The following ITPR2 variants were observed in gnomAD, a reference collection of about 807,000 sequenced individuals.
ITPR2 encodes the protein inositol 1,4,5-trisphosphate receptor type 2, also known as inositol 1,4,5-trisphosphate-gated calcium channel ITPR2.
A neutral mutation model predicts 317.1 loss-of-function variants in ITPR2; 207 were observed. That is an observed-to-expected ratio of 0.65 (90% CI 0.58 to 0.73). ITPR2 has a LOEUF of 0.73. Ranked by LOEUF, ITPR2 falls within the 30% of genes least tolerant of loss-of-function variation. ITPR2 has a pLI of 0.00. For synonymous variants in ITPR2, 1,156 were observed against 1,149.1 expected, an observed-to-expected ratio of 1.01 and a Z score of -0.12; for missense variants, 2,613 against 3,284.0, an observed-to-expected ratio of 0.80 and a Z score of 4.99.
At chr12:26,367,452 A>G (rs1421005752) in intron 55 of ITPR2, among the ~76,000 whole-genome samples, 3 of 140,360 alleles carry the variant, frequency 2.1e-5, no homozygotes, top group Non-Finnish European at 4.6e-5. Context: ...CTTAGCTTCT[A>G]TCATTTTCAC....
intron 2 of ITPR2, among the ~76,000 whole-genome samples, chr12:26,732,437 AC>A (rs1244191989): frequency 2.0e-5 from 3 of 152,202 alleles, no homozygotes; most frequent in Admixed American, 1.3e-4. Context: ...GAATGCCCTG[AC>A]AAGTGACTGC....
chr12:26,348,073 AT>A (rs1938363069), intron 55 of ITPR2, among the ~76,000 whole-genome samples: 1 of 152,172 alleles, frequency 6.6e-6, no homozygotes, highest in African/African-American at 2.4e-5. Flanking sequence ...TGCATTTTCC[AT>A]TCTAAAATTC....
chr12:26,461,911 G>C (rs560744427), intron 45 of ITPR2, among the ~76,000 whole-genome samples: 2 of 147,798 alleles, frequency 1.4e-5, no homozygotes, highest in Admixed American at 1.3e-4. Flanking sequence ...CTTTTTTTTT[G>C]GTCTGGCTAA....
chr12:26,488,271 G>A (rs1942717588), intron 39 of ITPR2, among the ~76,000 whole-genome samples: 1 of 152,106 alleles, frequency 6.6e-6, no homozygotes, highest in Non-Finnish European at 1.5e-5. Context: ...AGGAGAGATA[G>A]TATGAAGAAA....
chr12:26,657,095 G>A (rs534194579), intron 18 of ITPR2, among the ~76,000 whole-genome samples: 1 of 152,352 alleles, frequency 6.6e-6, no homozygotes, highest in South Asian at 2.1e-4. Context: ...GTCTTTGTCT[G>A]ATTCTTGCCA....
intron 13 of ITPR2, among the ~76,000 whole-genome samples, chr12:26,676,712 T>C (rs1035609616): frequency 6.6e-6 from 1 of 151,626 alleles, no homozygotes; most frequent in African/African-American, 2.4e-5. Flanking sequence ...CTAAAAAAAC[T>C]TTAGAAACTA....
intron 34 of ITPR2, among the ~76,000 whole-genome samples, chr12:26,565,762 T>C (rs1394513350): frequency 1.3e-5 from 2 of 148,252 alleles, no homozygotes; most frequent in African/African-American, 5.0e-5. Context: ...GTGATGCGAA[T>C]AGCCACTGCA....
chr12:26,686,358 C>T, intron 11 of ITPR2, 123 bp downstream of exon 11: 1 of 552,546 alleles, frequency 1.8e-6, no homozygotes, highest in Non-Finnish European at 2.9e-6. Flanking sequence ...ATGTTTTACA[C>T]ATTTTTCTTC....
chr12:26,814,252 A>C (rs1044986089), intron 1 of ITPR2, among the ~76,000 whole-genome samples: 1 of 152,188 alleles, frequency 6.6e-6, no homozygotes, highest in African/African-American at 2.4e-5. Flanking sequence ...CCAGGAGATT[A>C]TGCCAAGATT....
chr12:26,498,987 C>A (rs1591832973), intron 37 of ITPR2, among the ~76,000 whole-genome samples: 1 of 152,128 alleles, frequency 6.6e-6, no homozygotes, highest in African/African-American at 2.4e-5. Flanking sequence ...CAGACATGAA[C>A]CTGGCCCTGG....
intron 34 of ITPR2, among the ~76,000 whole-genome samples, chr12:26,562,549 A>G (rs1052201798): frequency 3.3e-5 from 5 of 152,354 alleles, no homozygotes; most frequent in African/African-American, 9.6e-5. Flanking sequence ...ATGTTGAAGC[A>G]TTTTTGCAAG....
intron 45 of ITPR2, among the ~76,000 whole-genome samples, chr12:26,453,405 A>C (rs1046974701): frequency 2.0e-5 from 3 of 152,256 alleles, no homozygotes; most frequent in African/African-American, 7.2e-5. Context: ...TAGTCAAAAG[A>C]GTTAAAACAT....
intron 22 of ITPR2, among the ~76,000 whole-genome samples, chr12:26,631,369 G>C (rs1271373972): frequency 6.6e-6 from 1 of 152,128 alleles, no homozygotes; most frequent in African/African-American, 2.4e-5. Context: ...GAGAGGGATT[G>C]TCACATATAA....
chr12:26,372,141 T>C (rs946883943), intron 55 of ITPR2, among the ~76,000 whole-genome samples: 1 of 152,214 alleles, frequency 6.6e-6, no homozygotes, highest in African/African-American at 2.4e-5. Flanking sequence ...CTCCTCATCT[T>C]AGCTCATCAA....
At chr12:26,797,992 G>A (rs1348660465) in intron 1 of ITPR2, among the ~76,000 whole-genome samples, 2 of 151,966 alleles carry the variant, frequency 1.3e-5, no homozygotes, top group Non-Finnish European at 2.9e-5. Context: ...GCGCCCAGCA[G>A]AATTGTCTTT....
chr12:26,628,011 A>T (rs768773806), intron 23 of ITPR2, 22 bp downstream of exon 23: 1 of 1,580,952 alleles, frequency 6.3e-7, no homozygotes, highest in South Asian at 1.2e-5. Flanking sequence ...TAAAAAGAGT[A>T]AATACTGTCA....
chr12:26,803,669 T>C (rs1203203019), intron 1 of ITPR2, among the ~76,000 whole-genome samples: 1 of 152,224 alleles, frequency 6.6e-6, no homozygotes, highest in African/African-American at 2.4e-5. Flanking sequence ...CTTTGAAATC[T>C]TCACACTACA....
At chr12:26,656,193 G>A in intron 19 of ITPR2, 104 bp downstream of exon 19, 1 of 1,402,816 alleles carries the variant, frequency 7.1e-7, no homozygotes, top group Non-Finnish European at 9.8e-7. Flanking sequence ...CCCAAGACAG[G>A]ATACACAAAT....
intron 48 of ITPR2, among the ~76,000 whole-genome samples, chr12:26,434,723 G>T (rs967882959): frequency 6.6e-6 from 1 of 152,148 alleles, no homozygotes; most frequent in African/African-American, 2.4e-5. Context: ...GCTTCCATCT[G>T]TTCATCTGTC....
Sources: allele counts gnomAD v4.1 joint callset (sites outside exome capture counted in the v4.1 genomes callset), GRCh38; gene constraint gnomAD v4.1.1; transcripts MANE v1.5; gene names NCBI Gene and HGNC (gene_info 2026-07-23, HGNC 2026-07-21).